The following MND1 variants were observed in gnomAD, a reference collection of about 807,000 sequenced individuals.
MND1 encodes the protein meiotic nuclear division protein 1 homolog.
Under a neutral mutation model 35.1 loss-of-function variants are expected in MND1, and 28 were observed. The observed-to-expected ratio is 0.80, with a 90% CI of 0.59 to 1.09. The LOEUF is 1.09. Ranked by LOEUF, MND1 falls within the 50% of genes least tolerant of loss-of-function variation. MND1 has a pLI of 0.00. For synonymous variants in MND1, 69 were observed against 70.5 expected (o/e 0.98, Z 0.11); for missense variants, 213 against 239.6 (o/e 0.89, Z 0.73).
At chr4:153,365,449 T>C (rs1773612325) in intron 4 of MND1, among the ~76,000 whole-genome samples, 1 of 152,200 alleles carries the variant, frequency 6.6e-6, no homozygotes, top group South Asian at 2.1e-4. Context: ...TTCTAGGCAC[T>C]TGGGATCCAT....
intron 6 of MND1, among the ~76,000 whole-genome samples, chr4:153,403,013 G>A (rs1044094544): frequency 6.6e-6 from 1 of 152,156 alleles, no homozygotes; most frequent in Non-Finnish European, 1.5e-5. Context: ...GCATGTGCCT[G>A]TAGTACTAGC....
At chr4:153,405,979 A>AT (rs982002276) in intron 6 of MND1, among the ~76,000 whole-genome samples, 5 of 151,876 alleles carry the variant, frequency 3.3e-5, no homozygotes, top group African/African-American at 1.2e-4. Flanking sequence ...AATTTTTTAC[A>AT]TTTTTAGTAG....
chr4:153,414,892 T>C lies in MND1; in HGVS notation c.*35T>C, dbSNP rs1280668019. On this transcript the variant is annotated 3_prime_UTR_variant, in exon 8 of 8. Transcript: ENST00000240488. ...TGGTGGTGAAGGATGTACAAGCTTGTGAATATGTAAATTTTAAACTATTAT... is the reference window on the plus strand; with the variant it reads ...TGGTGGTGAAGGATGTACAAGCTTGCGAATATGTAAATTTTAAACTATTAT... 1 of 937,688 alleles carries C rather than the reference T, an allele frequency of 1.1e-6. No individual in the cohort carries two copies. Among genetic ancestry groups the C allele is most frequent in the South Asian group, 1.9e-5 (1 of 51,850 alleles). The allele number at this position is 937,688 out of a possible 1,614,324, so 58.1% of individuals were successfully genotyped here.
rs776901177 is a variant in MND1, at chr4:153,408,964, T to G, written c.467-7T>G. 2.7e-6 allele frequency: 3 copies of G among 1,096,838 alleles called. No homozygotes were observed. Among genetic ancestry groups the G allele is most frequent in the Non-Finnish European group, 3.5e-6 (3 of 849,930 alleles). 67.9% of individuals were successfully genotyped at this position (1,096,838 alleles called of 1,614,324 possible). A position where few individuals can be genotyped will look rare whatever the true frequency, so the allele number is the denominator to read the frequency against. On this transcript the variant is annotated splice_polypyrimidine_tract_variant and splice_region_variant and intron_variant, in intron 6 of 7. Transcript: ENST00000240488. ...CATTTCATTTTATATATATAATTTTTTTTCAGGCCAAGCAAATAAAGTAGC... is the reference window on the plus strand; with the variant it reads ...CATTTCATTTTATATATATAATTTTGTTTCAGGCCAAGCAAATAAAGTAGC...
chr4:153,408,102 C>A (rs964683467), intron 6 of MND1, among the ~76,000 whole-genome samples: 1 of 152,054 alleles, frequency 6.6e-6, no homozygotes, highest in Non-Finnish European at 1.5e-5. Context: ...CATAGCAAGA[C>A]CCCTATCTCT....
intron 4 of MND1, among the ~76,000 whole-genome samples, chr4:153,381,066 ATTT>A (rs1347861858): frequency 6.6e-6 from 1 of 151,936 alleles, no homozygotes; most frequent in East Asian, 1.9e-4. Flanking sequence ...CACCCGGCTA[ATTT>A]TTTGTATTTT....
chr4:153,387,043 G>T (rs1405163169), intron 4 of MND1, among the ~76,000 whole-genome samples: 1 of 151,970 alleles, frequency 6.6e-6, no homozygotes, highest in Non-Finnish European at 1.5e-5. Context: ...TCATATAACA[G>T]GAAAATAATT....
chr4:153,386,857 A>C (rs907241743), intron 4 of MND1, among the ~76,000 whole-genome samples: 3 of 152,232 alleles, frequency 2.0e-5, no homozygotes, highest in Non-Finnish European at 4.4e-5. Context: ...ATATTGATCT[A>C]TATCTAGATG....
chr4:153,403,566 G>A (rs1470537863), intron 6 of MND1, among the ~76,000 whole-genome samples: 1 of 152,048 alleles, frequency 6.6e-6, no homozygotes, highest in African/African-American at 2.4e-5. Flanking sequence ...ACAACTCTAC[G>A]AGCAACAATC....
chr4:153,365,844 A>G (rs867684504), intron 4 of MND1, among the ~76,000 whole-genome samples: 1 of 152,258 alleles, frequency 6.6e-6, no homozygotes, highest in Non-Finnish European at 1.5e-5. Flanking sequence ...GTTTGAAATT[A>G]GAGCCAGTAG....
At chr4:153,394,184 C>A in intron 4 of MND1, 78 bp from the exon 5 acceptor site, 1 of 1,352,724 alleles carries the variant, frequency 7.4e-7, no homozygotes, top group Non-Finnish European at 1.0e-6. Flanking sequence ...GCCACTGCAC[C>A]TGGTGGACTT....
chr4:153,354,039 T>A (rs775457912), intron 2 of MND1, among the ~76,000 whole-genome samples: 1 of 152,228 alleles, frequency 6.6e-6, no homozygotes, highest in Non-Finnish European at 1.5e-5. Flanking sequence ...CTTTTCTAAT[T>A]ACTACATACT....
intron 5 of MND1, among the ~76,000 whole-genome samples, chr4:153,396,981 A>G (rs2149654256): frequency 6.6e-6 from 1 of 152,288 alleles, no homozygotes; most frequent in South Asian, 2.1e-4. Flanking sequence ...CATTCTACAT[A>G]TTAACTCCCA....
chr4:153,379,484 C>G (rs1728608663), intron 4 of MND1, among the ~76,000 whole-genome samples: 2 of 151,890 alleles, frequency 1.3e-5, no homozygotes, highest in Admixed American at 1.3e-4. Flanking sequence ...ATGAGGATGG[C>G]TTAAGTCCAG....
At chr4:153,365,538 ATTTAT>A (rs1773616259) in intron 4 of MND1, among the ~76,000 whole-genome samples, 2 of 151,804 alleles carry the variant, frequency 1.3e-5, no homozygotes, top group South Asian at 4.2e-4. Context: ...TGGTTTTTTT[ATTTAT>A]TTTATATTTT....
At position 153,395,967 on chromosome 4, in the gene MND1, C is replaced by T. The variant is rs754629087; in HGVS notation, c.352-1252C>T. The stretch of plus-strand genomic sequence containing the variant: ...CTTGAACTCCTGGGCTCAAGTGATC[C>T]CCCTGCCTCAACCTCCTGAGTAGCT... On this transcript the variant is annotated intron_variant, in intron 5 of 7. Coordinates refer to ENST00000240488, the MANE Select transcript of MND1 (RefSeq NM_032117.4). Among the ~76,000 whole-genome samples the T allele has an allele frequency of 8.9e-4, 135 of 152,200 alleles. 2 individuals carry two copies. Among genetic ancestry groups the T allele is most frequent in the South Asian group, 2.3e-3 (11 of 4,822 alleles).
At chr4:153,391,938 G>A (rs1203530798) in intron 4 of MND1, among the ~76,000 whole-genome samples, 3 of 151,962 alleles carry the variant, frequency 2.0e-5, no homozygotes, top group African/African-American at 7.3e-5. Flanking sequence ...TCCTTTATGC[G>A]TACTGAGAAG....
At chr4:153,410,819 T>C (rs548814358) in intron 7 of MND1, among the ~76,000 whole-genome samples, 77 of 152,136 alleles carry the variant, frequency 5.1e-4, no homozygotes, top group African/African-American at 1.7e-3. Context: ...GATGAAACAC[T>C]GTCTCTACTA....
intron 4 of MND1, among the ~76,000 whole-genome samples, chr4:153,387,761 A>C (rs1427983782): frequency 6.6e-6 from 1 of 152,182 alleles, no homozygotes; most frequent in Non-Finnish European, 1.5e-5. Context: ...AAGCAAAACA[A>C]GGAAACAAAA....
Sources: allele counts gnomAD v4.1 joint callset (sites outside exome capture counted in the v4.1 genomes callset), GRCh38; gene constraint gnomAD v4.1.1; transcripts MANE v1.5; gene names NCBI Gene and HGNC (gene_info 2026-07-23, HGNC 2026-07-21).